ATXN7: variants seen among roughly 807,000 people sequenced by gnomAD.
ATXN7 encodes the protein ataxin 7.
A neutral mutation model predicts 70.5 loss-of-function variants in ATXN7; 12 were observed. That is an observed-to-expected ratio of 0.17 (90% CI 0.11 to 0.28). The LOEUF is 0.28. ATXN7 is among the 10% of genes least tolerant of loss of function. The pLI is 1.00. For synonymous variants in ATXN7, 498 were observed against 448.7 expected (o/e 1.11, Z -1.39); for missense variants, 1,256 against 1,131.7 (o/e 1.11, Z -1.58).
chr3:63,906,480 A>G (rs1396971454), intron 2 of ATXN7, among the ~76,000 whole-genome samples: 2 of 152,220 alleles, frequency 1.3e-5, no homozygotes, highest in Non-Finnish European at 2.9e-5. Context: ...CAGGTTCTAA[A>G]TAACACCCTT....
chr3:63,962,799 A>T (rs2075152452), intron 5 of ATXN7, among the ~76,000 whole-genome samples: 1 of 152,072 alleles, frequency 6.6e-6, no homozygotes, highest in African/African-American at 2.4e-5. Flanking sequence ...GGGTGATTCA[A>T]CTGTGGTCTG....
intron 5 of ATXN7, among the ~76,000 whole-genome samples, chr3:63,956,832 T>C (rs2075047360): frequency 1.3e-5 from 2 of 152,194 alleles, no homozygotes; most frequent in Admixed American, 6.5e-5. Flanking sequence ...GTATGTGTAT[T>C]ATGTGCTGCA....
intron 5 of ATXN7, among the ~76,000 whole-genome samples, chr3:63,967,553 G>A (rs2106711598): frequency 1.3e-5 from 2 of 152,214 alleles, no homozygotes; most frequent in Non-Finnish European, 2.9e-5. Flanking sequence ...ATACCTGGTA[G>A]TAGCTTTGTC....
In ATXN7 at chr3:63,995,984, C is replaced by T. The variant is rs1381124864; in HGVS notation, c.2162C>T (p.Ser721Phe). The change falls in exon 12 of 13, where the codon TCT (serine) becomes TTT (phenylalanine). Residue 721 changes from serine to phenylalanine, a missense_variant. Ser to Phe is a radical substitution (Grantham distance 155). Transcript: ENST00000674280. ...SPLLVHSSSS[S>F]SSSSSSSHSM... ...CTGTTGGTTCACTCTTCCTCCTCCT[C>T]TTCCTCCTCCTCCTCTTCTTCTCAT... The T allele has an allele frequency of 1.2e-6, 2 of 1,614,094 alleles. No individual in the cohort carries two copies. Among genetic ancestry groups the T allele is most frequent in the Non-Finnish European group, 1.7e-6 (2 of 1,179,926 alleles).
chr3:63,965,367 C>T (rs189375836), intron 5 of ATXN7, among the ~76,000 whole-genome samples: 3 of 152,304 alleles, frequency 2.0e-5, no homozygotes, highest in East Asian at 3.9e-4. Context: ...AGACTGCAGG[C>T]TGGCTGCCCC....
At chr3:63,945,915 G>C (rs894297383) in intron 4 of ATXN7, among the ~76,000 whole-genome samples, 1 of 152,218 alleles carries the variant, frequency 6.6e-6, no homozygotes, top group Non-Finnish European at 1.5e-5. Flanking sequence ...TCTGTGACGA[G>C]AGTGTGGTGT....
intron 4 of ATXN7, among the ~76,000 whole-genome samples, chr3:63,914,381 A>G (rs144325891): frequency 1.1e-3 from 171 of 152,272 alleles, no homozygotes; most frequent in South Asian, 5.8e-3. Context: ...AGAGCTTCCA[A>G]TTGGAACAGA....
At chr3:63,865,894 CAAAAAAAAAAAAAAAAAA>C (rs34205947) in intron 1 of ATXN7, among the ~76,000 whole-genome samples, 5 of 16,554 alleles carry the variant, frequency 3.0e-4, no homozygotes, top group Non-Finnish European at 3.7e-4. Context: ...GACTCCATCT[CAAAAAAAAAAAAAAAAAA>C]AAAAAAAAAA....
In ATXN7 at chr3:63,980,036, C is replaced by T. The variant is rs757708503; in HGVS notation, c.621C>T (p.Ser207=). ...GTGCAAGTGGAAGCAACCGTTCTTC[C>T]AGTGGAGGTGTTCTTAGCGCATCCT... The part of the protein sequence containing the change: ...GGSASGSNRS[S]SGGVLSASSS... Residue 207 remains serine (S), a synonymous_variant, in exon 6 of 13, where the codon TCC becomes TCT. Coordinates refer to ENST00000674280, the MANE Select transcript of ATXN7 (RefSeq NM_001377405.1). 1 of 1,614,176 alleles carries T rather than the reference C, an allele frequency of 6.2e-7. No homozygotes were observed. The highest frequency in any genetic ancestry group is 8.5e-7 in the Non-Finnish European group (1 of 1,180,042).
intron 1 of ATXN7, among the ~76,000 whole-genome samples, chr3:63,873,547 G>A (rs1702657528): frequency 6.6e-6 from 1 of 152,166 alleles, no homozygotes; most frequent in African/African-American, 2.4e-5. Flanking sequence ...CCAGAAGTGG[G>A]AATTGATGGA....
intron 4 of ATXN7, among the ~76,000 whole-genome samples, chr3:63,940,198 T>G (rs898710971): frequency 1.3e-5 from 2 of 151,748 alleles, no homozygotes; most frequent in African/African-American, 4.8e-5. Context: ...TCTCACCTCT[T>G]GCTAACCTGG....
At chr3:63,961,885 A>G (rs185655060) in intron 5 of ATXN7, among the ~76,000 whole-genome samples, 1 of 152,262 alleles carries the variant, frequency 6.6e-6, no homozygotes, top group Non-Finnish European at 1.5e-5. Context: ...TCCATATTTT[A>G]TTTATATTTT....
chr3:63,952,567 T>C, intron 5 of ATXN7, 84 bp downstream of exon 5: 1 of 834,572 alleles, frequency 1.2e-6, no homozygotes, highest in Middle Eastern at 2.4e-4. Flanking sequence ...ATGGCATGCA[T>C]GGGACATAAT....
chr3:63,994,277 G>A (rs753275853), intron 11 of ATXN7, among the ~76,000 whole-genome samples: 5 of 152,034 alleles, frequency 3.3e-5, no homozygotes, highest in Admixed American at 1.3e-4. Flanking sequence ...CTCAGTCACC[G>A]AGGCTGGAGT....
chr3:63,923,087 G>A (rs777196145), intron 4 of ATXN7, among the ~76,000 whole-genome samples: 17 of 152,206 alleles, frequency 1.1e-4, no homozygotes, highest in Non-Finnish European at 4.4e-5. Flanking sequence ...GTAGGCCTCA[G>A]TGTATTTTGT....
intron 4 of ATXN7, among the ~76,000 whole-genome samples, chr3:63,945,634 T>G (rs1174951047): frequency 6.6e-6 from 1 of 152,260 alleles, no homozygotes; most frequent in African/African-American, 2.4e-5. Context: ...ATTGCTGCTT[T>G]CTGTCAGCCA....
intron 2 of ATXN7, among the ~76,000 whole-genome samples, chr3:63,911,280 G>A (rs1704004733): frequency 6.6e-6 from 1 of 152,172 alleles, no homozygotes; most frequent in African/African-American, 2.4e-5. Context: ...TAATGCTTTA[G>A]GTCATTAAGT....
At chr3:63,881,408 AG>A (rs1383491886) in intron 1 of ATXN7, among the ~76,000 whole-genome samples, 1 of 152,122 alleles carries the variant, frequency 6.6e-6, no homozygotes, top group Non-Finnish European at 1.5e-5. Context: ...TGGGTCTAGA[AG>A]CAGCCAGAAG....
intron 1 of ATXN7, among the ~76,000 whole-genome samples, chr3:63,870,977 T>C (rs1016905479): frequency 6.6e-6 from 1 of 152,184 alleles, no homozygotes; most frequent in African/African-American, 2.4e-5. Context: ...CTGCTTCTTT[T>C]AGTTTCACCT....
Sources: allele counts gnomAD v4.1 joint callset (sites outside exome capture counted in the v4.1 genomes callset), GRCh38; gene constraint gnomAD v4.1.1; transcripts MANE v1.5; gene names NCBI Gene and HGNC (gene_info 2026-07-23, HGNC 2026-07-21).